PRSS23: variants seen among roughly 807,000 people sequenced by gnomAD.
PRSS23 encodes protease, serine 23.
PRSS23 carries 25 observed loss-of-function variants against 34.7 expected under a neutral mutation model. The ratio of observed to expected loss-of-function variants is 0.72; its 90% CI spans 0.53 to 1.01. The LOEUF is 1.01. Ranked by LOEUF, PRSS23 falls within the 50% of genes least tolerant of loss-of-function variation. The pLI is 0.00. For synonymous variants in PRSS23, 176 were observed against 186.6 expected, an observed-to-expected ratio of 0.94 and a Z score of 0.46; for missense variants, 445 against 475.6, an observed-to-expected ratio of 0.94 and a Z score of 0.60.
At chr11:86,908,097 AC>A (rs1487747064) in intron 2 of PRSS23, among the ~76,000 whole-genome samples, 2 of 152,186 alleles carry the variant, frequency 1.3e-5, no homozygotes, top group African/African-American at 4.8e-5. Context: ...TATGTATATG[AC>A]ACATTTTCTT....
At chr11:86,826,778 T>C (rs1038045026) in intron 2 of PRSS23, among the ~76,000 whole-genome samples, 12 of 152,250 alleles carry the variant, frequency 7.9e-5, no homozygotes, top group African/African-American at 2.9e-4. Context: ...TGGTTCTGTT[T>C]ATATGCTGGA....
At chr11:86,824,768 T>A (rs1484040706) in intron 2 of PRSS23, among the ~76,000 whole-genome samples, 4 of 152,052 alleles carry the variant, frequency 2.6e-5, no homozygotes, top group Non-Finnish European at 5.9e-5. Context: ...CTGAGAATGA[T>A]GATTTCCAAT....
chr11:86,931,573 A>G (rs7944919), intron 2 of PRSS23, among the ~76,000 whole-genome samples: 119,469 of 152,134 alleles, frequency 0.79, 47,453 homozygotes, highest in Middle Eastern at 0.88. Context: ...AGTTGCCTAG[A>G]GGAAGGAGAC....
chr11:86,853,787 T>C (rs934630893), intron 2 of PRSS23, among the ~76,000 whole-genome samples: 3 of 152,176 alleles, frequency 2.0e-5, no homozygotes, highest in Non-Finnish European at 4.4e-5. Context: ...CTGTTTTTCA[T>C]TTTTCAAATA....
At chr11:86,920,034 C>T (rs1406642493) in intron 2 of PRSS23, among the ~76,000 whole-genome samples, 1 of 152,164 alleles carries the variant, frequency 6.6e-6, no homozygotes, top group Non-Finnish European at 1.5e-5. Flanking sequence ...GCCTGTGCTT[C>T]TGTGGTGAGG....
intron 2 of PRSS23, among the ~76,000 whole-genome samples, chr11:86,906,447 C>T (rs1029697163): frequency 6.6e-6 from 1 of 152,244 alleles, no homozygotes; most frequent in Non-Finnish European, 1.5e-5. Flanking sequence ...CACCCCGGCG[C>T]ACCTTAGGGG....
chr11:86,944,347 A>C (rs1949226303), intron 2 of PRSS23, among the ~76,000 whole-genome samples: 1 of 151,992 alleles, frequency 6.6e-6, no homozygotes, highest in Non-Finnish European at 1.5e-5. Context: ...TAATCTGCAA[A>C]GACCCTATTT....
At chr11:86,950,821 A>T in intron 2 of PRSS23, 1 of 411,428 alleles carries the variant, frequency 2.4e-6, no homozygotes, top group Non-Finnish European at 4.5e-6. Context: ...GGAAAACAGT[A>T]TCGCCCTGGA....
At chr11:86,898,060 T>G (rs1948888308) in intron 2 of PRSS23, among the ~76,000 whole-genome samples, 1 of 152,226 alleles carries the variant, frequency 6.6e-6, no homozygotes, top group Non-Finnish European at 1.5e-5. Context: ...TGAGGATGTT[T>G]TAACACCAAA....
At chr11:86,859,067 A>G (rs1948593747) in intron 2 of PRSS23, among the ~76,000 whole-genome samples, 3 of 151,758 alleles carry the variant, frequency 2.0e-5, no homozygotes. Context: ...GTGATATTAC[A>G]CCAAATGTCA....
chr11:86,843,659 GA>G (rs1277034091), intron 2 of PRSS23, among the ~76,000 whole-genome samples: 1 of 152,064 alleles, frequency 6.6e-6, no homozygotes, highest in Non-Finnish European at 1.5e-5. Flanking sequence ...ACAGACATAT[GA>G]AAAAAAGCTC....
At chr11:86,880,479 A>C (rs1420119983) in intron 2 of PRSS23, among the ~76,000 whole-genome samples, 1 of 152,058 alleles carries the variant, frequency 6.6e-6, no homozygotes, top group African/African-American at 2.4e-5. Flanking sequence ...AAGCCAAAAA[A>C]AAATACACTT....
At chr11:86,895,154 A>C (rs2134977147) in intron 2 of PRSS23, among the ~76,000 whole-genome samples, 1 of 152,354 alleles carries the variant, frequency 6.6e-6, no homozygotes, top group South Asian at 2.1e-4. Flanking sequence ...TAAGGATTTA[A>C]TCAAATAATT....
chr11:86,916,751 C>T (rs1403090469), intron 2 of PRSS23, among the ~76,000 whole-genome samples: 1 of 152,108 alleles, frequency 6.6e-6, no homozygotes, highest in African/African-American at 2.4e-5. Context: ...TCCCAGTCCA[C>T]CAAGAGGCCA....
chr11:86,950,971 T>C, intron 2 of PRSS23: 1 of 706,870 alleles, frequency 1.4e-6, no homozygotes, highest in Non-Finnish European at 2.4e-6. Flanking sequence ...GCAAAATCAT[T>C]GGTTTTTTGA....
chr11:86,880,950 A>G (rs1204473889), intron 2 of PRSS23, among the ~76,000 whole-genome samples: 1 of 152,214 alleles, frequency 6.6e-6, no homozygotes, highest in Non-Finnish European at 1.5e-5. Context: ...TGTGGATTCC[A>G]TAAGATTTTC....
chr11:86,833,323 A>G (rs1948375684), intron 2 of PRSS23: 1 of 1,191,006 alleles, frequency 8.4e-7, no homozygotes, highest in Non-Finnish European at 1.2e-6. Flanking sequence ...GACGGCCAGG[A>G]TAATGAGCAG....
At chr11:86,824,356 A>AAAATAAAATAAAATAAAATAAAAT (rs1555071059) in intron 2 of PRSS23, among the ~76,000 whole-genome samples, 11 of 149,204 alleles carry the variant, frequency 7.4e-5, no homozygotes, top group Non-Finnish European at 1.3e-4. Flanking sequence ...AAAATAAAAT[A>AAAATAAAATAAAATAAAATAAAAT]AAATAAAATA....
rs187401539 is a variant in PRSS23 at position 86,800,843 on chromosome 11, C to G, written c.-14+192C>G. 2.6e-4 allele frequency among the ~76,000 whole-genome samples: 40 copies of G among 152,222 alleles called. No individual in the cohort carries two copies. In the East Asian group the frequency reaches 7.4e-3, roughly 28 times the overall value. On this transcript the variant is annotated intron_variant, in intron 1 of 1. Coordinates refer to ENST00000280258, the MANE Select transcript of PRSS23 (RefSeq NM_007173.6). ...GGGGCCTGAAGGAGCTCTGGGGAGA[C>G]GGCGGGGGCTGCAGGTCATTTGGAT...
Sources: gnomAD v4.1 joint callset for allele counts (sites outside exome capture counted in the v4.1 genomes callset) on GRCh38, gnomAD v4.1.1 for gene constraint, MANE v1.5 for transcripts, NCBI Gene and HGNC (gene_info 2026-07-23, HGNC 2026-07-21) for gene names.